The following TRPM3 variants were observed in gnomAD, a reference collection of about 807,000 sequenced individuals.
TRPM3 encodes transient receptor potential cation channel subfamily M member 3, also known as long transient receptor potential channel 3.
In TRPM3, 77 loss-of-function variants were observed where a neutral mutation model predicts 181.2. The ratio of observed to expected loss-of-function variants is 0.42; its 90% CI spans 0.35 to 0.51. The LOEUF is 0.51. TRPM3 is among the 20% of genes least tolerant of loss of function. The pLI, the probability that TRPM3 is intolerant of heterozygous loss-of-function variation, is 0.01. For missense variants in TRPM3, 1,759 were observed against 2,196.7 expected (o/e 0.80, Z 3.98); for synonymous variants, 745 against 796.4 (o/e 0.94, Z 1.09).
intron 1 of TRPM3, among the ~76,000 whole-genome samples, chr9:71,330,381 TC>T (rs1352177521): frequency 6.6e-6 from 1 of 151,864 alleles, no homozygotes; most frequent in Non-Finnish European, 1.5e-5. Context: ...TTGTATAGAT[TC>T]ACACATAAAT....
At chr9:70,689,449 T>C (rs995380901) in intron 8 of TRPM3, among the ~76,000 whole-genome samples, 5 of 151,088 alleles carry the variant, frequency 3.3e-5, no homozygotes, top group Non-Finnish European at 7.4e-5. Flanking sequence ...TACTGAAAAG[T>C]AGACTGTGAA....
At chr9:71,201,792 G>A (rs1255444954) in intron 1 of TRPM3, among the ~76,000 whole-genome samples, 1 of 152,112 alleles carries the variant, frequency 6.6e-6, no homozygotes, top group Non-Finnish European at 1.5e-5. Context: ...CTGTAGCTCG[G>A]AATAGTTTGA....
At chr9:70,888,877 C>A (rs747413441) in intron 1 of TRPM3, among the ~76,000 whole-genome samples, 25 of 152,088 alleles carry the variant, frequency 1.6e-4, no homozygotes, top group African/African-American at 6.0e-4. Context: ...GCATTTATCT[C>A]GATTTCTCTC....
chr9:71,253,180 T>G (rs988745992), intron 1 of TRPM3, among the ~76,000 whole-genome samples: 1 of 152,196 alleles, frequency 6.6e-6, no homozygotes. Flanking sequence ...ATTTTCACAT[T>G]TCTCACAGAT....
chr9:71,375,289 T>C (rs940547377), intron 1 of TRPM3, among the ~76,000 whole-genome samples: 2 of 152,128 alleles, frequency 1.3e-5, no homozygotes, highest in African/African-American at 4.8e-5. Context: ...ACTCCCTATT[T>C]AATAAATGAT....
chr9:71,063,172 C>T (rs907564536), intron 1 of TRPM3, among the ~76,000 whole-genome samples: 2 of 152,088 alleles, frequency 1.3e-5, no homozygotes, highest in Non-Finnish European at 2.9e-5. Context: ...TGATTCATGT[C>T]TATCACAGCA....
chr9:71,175,822 G>T (rs866198538), intron 1 of TRPM3, among the ~76,000 whole-genome samples: 1 of 152,144 alleles, frequency 6.6e-6, no homozygotes, highest in African/African-American at 2.4e-5. Context: ...GTCATGCAAT[G>T]GTAAATATTT....
At chr9:70,783,888 G>A (rs1183971415) in intron 7 of TRPM3, 24 of 1,272,256 alleles carry the variant, frequency 1.9e-5, no homozygotes, top group South Asian at 2.4e-5. Flanking sequence ...TTTATTATCC[G>A]TGTAGCTTTC....
intron 1 of TRPM3, among the ~76,000 whole-genome samples, chr9:70,908,625 T>C (rs1411502522): frequency 1.3e-5 from 2 of 152,226 alleles, no homozygotes; most frequent in Non-Finnish European, 2.9e-5. Context: ...CAAATTCATC[T>C]AGATTCAATG....
At chr9:70,923,917 CATATATACACACAT>C (rs2096690701) in intron 1 of TRPM3, among the ~76,000 whole-genome samples, 2 of 105,802 alleles carry the variant, frequency 1.9e-5, no homozygotes, top group African/African-American at 2.7e-5. Flanking sequence ...CACATATATA[CATATATACACACAT>C]ATATACATAT....
At chr9:71,266,597 T>C (rs1026157764) in intron 1 of TRPM3, among the ~76,000 whole-genome samples, 3 of 152,160 alleles carry the variant, frequency 2.0e-5, no homozygotes, top group Admixed American at 1.3e-4. Flanking sequence ...TGTGTTTTTA[T>C]CTTATTTTTA....
In TRPM3 at chr9:70,585,752, A is replaced by C. The variant is rs141891654; in HGVS notation, c.3223+5279T>G. Among the ~76,000 whole-genome samples the C allele has an allele frequency of 2.1e-3, 322 of 152,164 alleles. 2 individuals are homozygous for C. Among genetic ancestry groups the C allele is most frequent in the African/African-American group, 7.5e-3 (313 of 41,506 alleles). ...TTTCCTCCATTCCAGCTGCTGCTGC[A>C]TTAGAAATTTCCTCTCACCTCTCAC... is the stretch of plus-strand genomic sequence containing the variant. On this transcript the variant is annotated intron_variant, in intron 22 of 25. Coordinates refer to ENST00000677713, the MANE Select transcript of TRPM3 (RefSeq NM_001366145.2).
At chr9:70,643,635 T>A (rs1053852921) in intron 9 of TRPM3, among the ~76,000 whole-genome samples, 11 of 152,184 alleles carry the variant, frequency 7.2e-5, no homozygotes, top group South Asian at 2.1e-4. Flanking sequence ...GCATTTAAAT[T>A]CCTGCACTCT....
intron 1 of TRPM3, among the ~76,000 whole-genome samples, chr9:71,406,091 T>C (rs2093431100): frequency 6.6e-6 from 1 of 152,156 alleles, no homozygotes; most frequent in Non-Finnish European, 1.5e-5. Flanking sequence ...CTGGCTAACA[T>C]GGTGAAACCC....
At chr9:71,121,830 C>G (rs2073688880), upstream of TRPM3, among the ~76,000 whole-genome samples, 1 of 152,130 alleles carries the variant, frequency 6.6e-6, no homozygotes, top group African/African-American at 2.4e-5. Context: ...GGTGAGGACA[C>G]AGGGAGAGAA....
intron 6 of TRPM3, among the ~76,000 whole-genome samples, chr9:70,814,365 A>C (rs2092468422): frequency 6.6e-6 from 1 of 152,170 alleles, no homozygotes; most frequent in South Asian, 2.1e-4. Context: ...ACGATGGACA[A>C]TTTTAGCTCC....
intron 1 of TRPM3, among the ~76,000 whole-genome samples, chr9:70,886,645 T>C (rs368458493): frequency 6.6e-6 from 1 of 152,116 alleles, no homozygotes; most frequent in East Asian, 1.9e-4. Flanking sequence ...TTGTTTATAA[T>C]GAGTCAACAC....
chr9:70,642,519 C>A (rs541676387), intron 9 of TRPM3, among the ~76,000 whole-genome samples: 2 of 152,294 alleles, frequency 1.3e-5, no homozygotes, highest in Non-Finnish European at 2.9e-5. Flanking sequence ...AACTTTGCTG[C>A]ACATTAGAAT....
intron 1 of TRPM3, among the ~76,000 whole-genome samples, chr9:71,427,290 C>T (rs1433347893): frequency 6.6e-6 from 1 of 152,138 alleles, no homozygotes; most frequent in East Asian, 1.9e-4. Flanking sequence ...CCCAGACCAT[C>T]AGAAGCAGAA....
Sources: allele counts gnomAD v4.1 joint callset (sites outside exome capture counted in the v4.1 genomes callset), GRCh38; gene constraint gnomAD v4.1.1; transcripts MANE v1.5; gene names NCBI Gene and HGNC (gene_info 2026-07-23, HGNC 2026-07-21).